Variants in STK3 observed in about 807,000 individuals in gnomAD.
STK3 encodes the protein serine/threonine-protein kinase 3.
In STK3, 41 loss-of-function variants were observed where a neutral mutation model predicts 58.0. The observed-to-expected ratio is 0.71, with a 90% CI of 0.55 to 0.92. The LOEUF (loss-of-function observed/expected upper bound fraction) is 0.92. Ranked by LOEUF, STK3 falls within the 40% of genes least tolerant of loss-of-function variation. The pLI, the probability that STK3 is intolerant of heterozygous loss-of-function variation, is 0.00. For synonymous variants in STK3, 170 were observed against 191.0 expected, an observed-to-expected ratio of 0.89 and a Z score of 0.91; for missense variants, 479 against 602.7, an observed-to-expected ratio of 0.79 and a Z score of 2.15.
intron 7 of STK3, among the ~76,000 whole-genome samples, chr8:98,588,010 T>A (rs1313308818): frequency 6.6e-6 from 1 of 152,196 alleles, no homozygotes; most frequent in Non-Finnish European, 1.5e-5. Flanking sequence ...GTGAGATGGG[T>A]TTCCTCAATA....
intron 10 of STK3, among the ~76,000 whole-genome samples, chr8:98,477,128 T>G (rs1051288128): frequency 6.6e-6 from 1 of 152,180 alleles, no homozygotes; most frequent in South Asian, 2.1e-4. Context: ...TCCTCGTTAC[T>G]TCTCTGCCCA....
intron 6 of STK3, among the ~76,000 whole-genome samples, chr8:98,700,281 G>C (rs1324078259): frequency 6.6e-6 from 1 of 152,180 alleles, no homozygotes; most frequent in Non-Finnish European, 1.5e-5. Flanking sequence ...CCCTTTCTTT[G>C]ACTAGGAAAG....
intron 8 of STK3, among the ~76,000 whole-genome samples, chr8:98,552,308 C>A (rs1006289648): frequency 1.3e-5 from 2 of 152,084 alleles, no homozygotes; most frequent in Admixed American, 1.3e-4. Flanking sequence ...CTTCAGAAGA[C>A]AAATGACATG....
At chr8:98,660,547 T>C (rs2130783488) in intron 6 of STK3, among the ~76,000 whole-genome samples, 1 of 152,168 alleles carries the variant, frequency 6.6e-6, no homozygotes, top group East Asian at 1.9e-4. Context: ...GTTACAACTT[T>C]AGGGAAGCCA....
At chr8:98,772,156 A>T (rs1412310163) in intron 2 of STK3, among the ~76,000 whole-genome samples, 1 of 152,204 alleles carries the variant, frequency 6.6e-6, no homozygotes, top group African/African-American at 2.4e-5. Context: ...TCAATGGGTT[A>T]CTTCAGATTA....
At chr8:98,713,969 G>C (rs1305330768) in intron 4 of STK3, among the ~76,000 whole-genome samples, 1 of 152,170 alleles carries the variant, frequency 6.6e-6, no homozygotes, top group Non-Finnish European at 1.5e-5. Context: ...TGCAAGGCTG[G>C]TTCAACATAC....
At chr8:98,559,110 C>T (rs895389859) in intron 8 of STK3, among the ~76,000 whole-genome samples, 1 of 152,082 alleles carries the variant, frequency 6.6e-6, no homozygotes, top group Non-Finnish European at 1.5e-5. Context: ...TGCAAGTATA[C>T]ACCTTATTAA....
intron 6 of STK3, among the ~76,000 whole-genome samples, chr8:98,639,725 AT>A (rs1819872502): frequency 6.6e-6 from 1 of 152,202 alleles, no homozygotes; most frequent in East Asian, 1.9e-4. Flanking sequence ...TACCTTTCAT[AT>A]CTTTTTAAGT....
intron 3 of STK3, among the ~76,000 whole-genome samples, chr8:98,422,476 C>T (rs1818184486): frequency 6.6e-6 from 1 of 152,180 alleles, no homozygotes; most frequent in Non-Finnish European, 1.5e-5. Flanking sequence ...GCTCCCTTGT[C>T]CTCCGTCCCC....
At chr8:98,616,701 A>C (rs867075179) in intron 6 of STK3, among the ~76,000 whole-genome samples, 4 of 151,734 alleles carry the variant, frequency 2.6e-5, no homozygotes, top group Admixed American at 6.6e-5. Context: ...AACAAAGATC[A>C]AAAGAGACAA....
intron 1 of STK3, among the ~76,000 whole-genome samples, chr8:98,936,238 C>T (rs553674630): frequency 4.0e-4 from 61 of 152,022 alleles, no homozygotes; most frequent in Non-Finnish European, 6.3e-4. Context: ...TTATTTAACC[C>T]TCAGAATATC....
chr8:98,734,208 T>G (rs1828407734), intron 4 of STK3, among the ~76,000 whole-genome samples: 1 of 152,168 alleles, frequency 6.6e-6, no homozygotes, highest in Admixed American at 6.5e-5. Flanking sequence ...GGGATTACAA[T>G]TCAACATGAG....
chr8:98,562,641 T>C (rs774698049), intron 8 of STK3, among the ~76,000 whole-genome samples: 5 of 138,716 alleles, frequency 3.6e-5, no homozygotes, highest in African/African-American at 8.2e-5. Flanking sequence ...CTTTACATCA[T>C]AAAGAGTGAA....
chr8:98,461,020 T>G (rs1819928488), intron 10 of STK3, among the ~76,000 whole-genome samples: 1 of 152,234 alleles, frequency 6.6e-6, no homozygotes. Flanking sequence ...TGTTCTACAG[T>G]GAAGTTTAAG....
Position 98,456,058 on chromosome 8 carries a change from A to G in STK3, c.1318-58T>C, listed in dbSNP as rs932514485. On this transcript the variant is annotated intron_variant, in intron 10 of 10. Coordinates refer to ENST00000419617, the MANE Select transcript of STK3 (RefSeq NM_006281.4). ...AAATTATCCACATTATCCACAATCAATACAATGAAATTAGACTTTAATGTC... is the reference window on the plus strand; with the variant it reads ...AAATTATCCACATTATCCACAATCAGTACAATGAAATTAGACTTTAATGTC... 15 of 1,468,910 alleles carry G rather than the reference A, an allele frequency of 1.0e-5. 1 individual carries two copies. The highest frequency in any genetic ancestry group is 7.7e-5 in the South Asian group (6 of 78,300). 91.0% of individuals were successfully genotyped at this position (1,468,910 alleles called of 1,614,324 possible).
intron 8 of STK3, among the ~76,000 whole-genome samples, chr8:98,555,422 C>G (rs1490594989): frequency 6.6e-6 from 1 of 152,074 alleles, no homozygotes; most frequent in East Asian, 1.9e-4. Flanking sequence ...GAATATTTCT[C>G]AGTTAGGATA....
Position 98,810,020 on chromosome 8 carries a change from G to T in STK3, c.26+15495C>A, listed in dbSNP as rs984180898. Reference sequence around the variant, plus strand: ...CCAACCATGGTGGAAGGCAAAGGGGGAGTAGCACTTCACATGGCCACGTGG... The same window carrying T: ...CCAACCATGGTGGAAGGCAAAGGGGTAGTAGCACTTCACATGGCCACGTGG... On this transcript the variant is annotated intron_variant, in intron 1 of 10. Transcript: ENST00000419617. Among the ~76,000 whole-genome samples, 5 of 152,150 alleles carry T rather than the reference G, an allele frequency of 3.3e-5. No individual in the cohort carries two copies. In the East Asian group the frequency reaches 9.6e-4, roughly 29 times the overall value.
chr8:98,467,952 ATATT>A (rs1820613376), intron 10 of STK3, among the ~76,000 whole-genome samples: 1 of 152,234 alleles, frequency 6.6e-6, no homozygotes, highest in South Asian at 2.1e-4. Flanking sequence ...AAAAATGTAA[ATATT>A]TGTTTCTTGA....
At position 98,617,536 on chromosome 8, in the gene STK3, A is replaced by G. The variant is rs538755601; in HGVS notation, c.685-21367T>C. Among the ~76,000 whole-genome samples the G allele has an allele frequency of 4.2e-4, 64 of 151,506 alleles. 2 individuals are homozygous for G. The East Asian group carries it at 0.012, about 28-fold the overall frequency. On this transcript the variant is annotated intron_variant, in intron 6 of 10. Transcript: ENST00000419617. ...AATGAATCCAGGAGCTGGTTTTTTG[A>G]AAGGATCAACAAAATTGATAGACCG...
Sources: gnomAD v4.1 joint callset for allele counts (sites outside exome capture counted in the v4.1 genomes callset) on GRCh38, gnomAD v4.1.1 for gene constraint, MANE v1.5 for transcripts, NCBI Gene and HGNC (gene_info 2026-07-23, HGNC 2026-07-21) for gene names.